The following SLC22A16 variants were observed in gnomAD, a reference collection of about 807,000 sequenced individuals.
SLC22A16 encodes solute carrier family 22 member 16.
A neutral mutation model predicts 52.9 loss-of-function variants in SLC22A16; 53 were observed. The ratio of observed to expected loss-of-function variants is 1.00; its 90% CI spans 0.80 to 1.26. The LOEUF (loss-of-function observed/expected upper bound fraction) is 1.26, where lower values mean the gene tolerates loss of function less well. Among genes scored for constraint, SLC22A16 ranks in the 50% most tolerant of loss-of-function variants. SLC22A16 has a pLI of 0.00. For missense variants in SLC22A16, 726 were observed against 704.0 expected (o/e 1.03, Z -0.35); for synonymous variants, 291 against 268.8 (o/e 1.08, Z -0.81).
chr6:110,430,092 C>T (rs776844543), intron 7 of SLC22A16, among the ~76,000 whole-genome samples: 18 of 151,828 alleles, frequency 1.2e-4, no homozygotes, highest in Admixed American at 3.3e-4. Flanking sequence ...GGCCATGGTG[C>T]CTTCTGTGCT....
intron 3 of SLC22A16, among the ~76,000 whole-genome samples, chr6:110,443,901 T>A (rs1775070901): frequency 6.6e-6 from 1 of 152,196 alleles, no homozygotes; most frequent in Non-Finnish European, 1.5e-5. Flanking sequence ...TTTCATGAGG[T>A]ACCTAGAGTG....
intron 2 of SLC22A16, among the ~76,000 whole-genome samples, chr6:110,451,212 T>C (rs74765538): frequency 0.041 from 6,296 of 152,302 alleles, 207 homozygotes; most frequent in East Asian, 0.15. Context: ...CATGAGATAA[T>C]TGAAGGACAT....
chr6:110,428,678 G>A (rs779695806), intron 7 of SLC22A16, among the ~76,000 whole-genome samples: 12 of 152,232 alleles, frequency 7.9e-5, no homozygotes, highest in Admixed American at 2.0e-4. Flanking sequence ...CACTTTGGGA[G>A]GCCGAGATGG....
In SLC22A16 at chr6:110,442,374, A is replaced by G. The variant is rs748711998; in HGVS notation, c.1053T>C (p.Tyr351=). 52 of 1,614,240 alleles carry G rather than the reference A, an allele frequency of 3.2e-5. No individual in the cohort carries two copies. Among genetic ancestry groups the G allele is most frequent in the South Asian group, 1.9e-4 (17 of 91,088 alleles). Residue 351 remains tyrosine, a synonymous_variant, in exon 4 of 8, where the codon TAT becomes TAC. Coordinates refer to ENST00000368919, the MANE Select transcript of SLC22A16 (RefSeq NM_033125.4). ...VQKHNLSYLF[Y]NWSITKRTLT... ...GTGTCCTTTTCGTAATGCTCCAGTT[A>G]TAAAACAGATATGATAGGTTGTGCT...
chr6:110,468,527 T>C (rs1207738443), intron 1 of SLC22A16, among the ~76,000 whole-genome samples: 1 of 151,474 alleles, frequency 6.6e-6, no homozygotes, highest in African/African-American at 2.4e-5. Flanking sequence ...GTGCCTGTAG[T>C]CTCAGCTACT....
At chr6:110,438,882 G>T (rs756653435) in intron 4 of SLC22A16, 35 bp from the exon 5 acceptor site, 2 of 1,609,244 alleles carry the variant, frequency 1.2e-6, no homozygotes, top group Admixed American at 1.7e-5. Flanking sequence ...ATAAGTCTAG[G>T]TACCCGACTG....
chr6:110,476,536 C>T lies in SLC22A16; in HGVS notation c.39G>A (p.Val13=). The change falls in exon 1 of 8, where the codon GTG becomes GTA. Residue 13 remains valine, a synonymous_variant. Transcript: ENST00000368919. ...SRHFEGIYDH[V]GHFGRFQRVL... is the part of the protein sequence containing the mutation. ...CTCCCCCATACCTGCCGAAGTGCCC[C>T]ACGTGGTCATAAATCCCCTCGAAGT... 1 of 1,520,908 alleles carries T rather than the reference C, an allele frequency of 6.6e-7. No individual in the cohort carries two copies. 94.2% of individuals were successfully genotyped at this position (1,520,908 alleles called of 1,614,324 possible).
intron 2 of SLC22A16, among the ~76,000 whole-genome samples, chr6:110,454,731 G>T (rs1775542779): frequency 1.0e-4 from 6 of 57,466 alleles, no homozygotes; most frequent in Non-Finnish European, 1.5e-4. Context: ...TATATTATAT[G>T]TACATATAAT....
chr6:110,473,210 T>G (rs1210254371), intron 1 of SLC22A16, among the ~76,000 whole-genome samples: 2 of 152,136 alleles, frequency 1.3e-5, no homozygotes, highest in Admixed American at 6.5e-5. Flanking sequence ...AAAAACTCTA[T>G]ATACTGAAAC....
chr6:110,473,029 G>A (rs1776312794), intron 1 of SLC22A16, among the ~76,000 whole-genome samples: 1 of 152,062 alleles, frequency 6.6e-6, no homozygotes, highest in Non-Finnish European at 1.5e-5. Context: ...TTACCACCAG[G>A]GACCATGAGC....
chr6:110,451,176 T>C (rs1457948955), intron 2 of SLC22A16, among the ~76,000 whole-genome samples: 2 of 152,218 alleles, frequency 1.3e-5, no homozygotes, highest in Non-Finnish European at 2.9e-5. Context: ...TATCCTACTG[T>C]AAGAATATAT....
intron 2 of SLC22A16, chr6:110,455,283 A>C (rs182162425): frequency 6.6e-6 from 1 of 152,056 alleles, no homozygotes; most frequent in Non-Finnish European, 1.5e-5. Context: ...TTGAGTTTCA[A>C]GAGTCAAGCA....
intron 7 of SLC22A16, among the ~76,000 whole-genome samples, chr6:110,427,690 G>A (rs756818274): frequency 6.6e-6 from 1 of 152,198 alleles, no homozygotes; most frequent in Non-Finnish European, 1.5e-5. Context: ...AGTAGAGACG[G>A]GGTGTCGCCA....
chr6:110,425,991 G>T (rs1774243908), intron 7 of SLC22A16, among the ~76,000 whole-genome samples: 1 of 152,174 alleles, frequency 6.6e-6, no homozygotes, highest in African/African-American at 2.4e-5. Flanking sequence ...TATGTTTATA[G>T]CCTCTGAAAA....
chr6:110,455,112 T>C (rs1033979988), intron 2 of SLC22A16, among the ~76,000 whole-genome samples: 3 of 145,100 alleles, frequency 2.1e-5, no homozygotes, highest in African/African-American at 7.7e-5. Flanking sequence ...AAGTGTTCAA[T>C]ATATGTCTAT....
chr6:110,447,074 C>A, intron 2 of SLC22A16, 84 bp from the exon 3 acceptor site: 2 of 1,056,390 alleles, frequency 1.9e-6, no homozygotes, highest in South Asian at 1.4e-5. Flanking sequence ...AAAAGATAGG[C>A]ATTACCTATA....
intron 6 of SLC22A16, among the ~76,000 whole-genome samples, chr6:110,432,118 C>A (rs1214352762): frequency 6.6e-6 from 1 of 152,074 alleles, no homozygotes; most frequent in Non-Finnish European, 1.5e-5. Flanking sequence ...GAGTAAGTAC[C>A]TCTATAAATT....
At position 110,442,348 on chromosome 6, in the gene SLC22A16, A is replaced by G. The variant is rs1418160515; in HGVS notation, c.1079T>C (p.Leu360Pro). ...FYNWSITKRT[L>P]TVWLIWFTGS... ...AGTGAACCAGATTAGCCAAACGGTAAGTGTCCTTTTCGTAATGCTCCAGTT... is the reference window on the plus strand; with the variant it reads ...AGTGAACCAGATTAGCCAAACGGTAGGTGTCCTTTTCGTAATGCTCCAGTT... The change falls in exon 4 of 8, where the codon CTT becomes CCT. Residue 360 changes from leucine to proline, a missense_variant. Physicochemically the swap from Leu to Pro is moderately conservative, Grantham distance 98. Transcript: ENST00000368919. 4.3e-6 allele frequency: 7 copies of G among 1,614,076 alleles called. No homozygotes were observed. The African/African-American group carries it at 8.0e-5, about 18-fold the overall frequency.
intron 5 of SLC22A16, among the ~76,000 whole-genome samples, chr6:110,436,347 G>A (rs372983953): frequency 6.6e-6 from 1 of 152,124 alleles, no homozygotes; most frequent in Non-Finnish European, 1.5e-5. Flanking sequence ...ATTGTGAGCC[G>A]GGCCTAATGG....
Sources: gnomAD v4.1 joint callset for allele counts (sites outside exome capture counted in the v4.1 genomes callset) on GRCh38, gnomAD v4.1.1 for gene constraint, MANE v1.5 for transcripts, NCBI Gene and HGNC (gene_info 2026-07-23, HGNC 2026-07-21) for gene names.